Variants in WWP1 observed in about 807,000 individuals in gnomAD.
WWP1 encodes WW domain containing E3 ubiquitin protein ligase 1.
A neutral mutation model predicts 130.6 loss-of-function variants in WWP1; 49 were observed. That is an observed-to-expected ratio of 0.38 (90% CI 0.30 to 0.48). The LOEUF (loss-of-function observed/expected upper bound fraction) is 0.48, where lower values mean the gene tolerates loss of function less well. Among genes scored for constraint, WWP1 ranks in the 20% least tolerant of loss-of-function variants. The pLI, the probability that WWP1 is intolerant of heterozygous loss-of-function variation, is 0.99. For missense variants in WWP1, 809 were observed against 1,100.6 expected, an observed-to-expected ratio of 0.74 and a Z score of 3.75; for synonymous variants, 332 against 367.8, an observed-to-expected ratio of 0.90 and a Z score of 1.11.
At position 86,439,334 on chromosome 8, in the gene WWP1, C is replaced by T. The variant is rs556082670; in HGVS notation, c.1838+661C>T. Among the ~76,000 whole-genome samples, 9 of 88,498 alleles carry T rather than the reference C, an allele frequency of 1.0e-4. No homozygotes were observed. In the East Asian group the frequency reaches 2.0e-3, roughly 20 times the overall value. The allele number at this position is 88,498 out of a possible 152,430, so 58.1% of individuals were successfully genotyped here. On this transcript the variant is annotated intron_variant, in intron 17 of 24. Transcript: ENST00000517970. ...CTCCAGCCTGGGTGATGGAGCAAGACGCTGTGTCAAAAAAAAAAAAAAAGT... is the reference window on the plus strand; with the variant it reads ...CTCCAGCCTGGGTGATGGAGCAAGATGCTGTGTCAAAAAAAAAAAAAAAGT...
Position 86,468,293 on chromosome 8 carries a change from C to A in WWP1, c.*1400C>A. 2.5e-6 allele frequency: 1 copy of A among 403,012 alleles called. No homozygotes were observed. Among genetic ancestry groups the A allele is most frequent in the Non-Finnish European group, 4.8e-6 (1 of 209,490 alleles). 25.0% of individuals were successfully genotyped at this position (403,012 alleles called of 1,614,324 possible). A position where few individuals can be genotyped will look rare whatever the true frequency, so the allele number is the denominator to read the frequency against. On this transcript the variant is annotated 3_prime_UTR_variant, in exon 25 of 25. Coordinates refer to ENST00000517970, the MANE Select transcript of WWP1 (RefSeq NM_007013.4). ...ATTGTTTTGCCAAAATTTTATTTTT[C>A]TACATATTGAGAGTGTGTTCTCCAT...
chr8:86,459,023 C>CTTTTTTTTT (rs71275853), intron 22 of WWP1, among the ~76,000 whole-genome samples: 21 of 84,250 alleles, frequency 2.5e-4, no homozygotes, highest in Non-Finnish European at 2.9e-4. Flanking sequence ...TTTCTTTTTT[C>CTTTTTTTTT]TTTTTTTTTT....
Position 86,411,638 on chromosome 8 carries a change from T to G in WWP1, c.825T>G (p.Ser275Arg), listed in dbSNP as rs1808592347. The G allele has an allele frequency of 6.2e-7, 1 of 1,614,074 alleles. No homozygotes were observed. Among genetic ancestry groups the G allele is most frequent in the Non-Finnish European group, 8.5e-7 (1 of 1,180,026 alleles). ...ATGCCTTGTCTCCAAATTGCACTAG[T>G]ACTACTGTTGAAGATCCTCCAGTTC... ...EENALSPNCT[S>R]TTVEDPPVQE... is the part of the protein sequence containing the mutation. The change falls in exon 9 of 25, where the codon AGT becomes AGG. Residue 275 changes from serine (S) to arginine (R), a missense_variant. Around this residue, in one of 3 missense-constraint regions of WWP1, gnomAD observed 262 missense variants for 346.0 expected, o/e 0.76. Transcript: ENST00000517970.
chr8:86,397,480 A>G (rs1264728329), intron 5 of WWP1, among the ~76,000 whole-genome samples: 2 of 152,126 alleles, frequency 1.3e-5, no homozygotes, highest in Admixed American at 1.3e-4. Context: ...AATTTTAGCA[A>G]TTTTGAAATG....
chr8:86,431,767 C>A (rs775086989), intron 14 of WWP1, 24 bp downstream of exon 14: 5 of 1,612,266 alleles, frequency 3.1e-6, no homozygotes, highest in African/African-American at 1.3e-5. Context: ...TGAAGTTCTC[C>A]TTTAAATATT....
rs776277994 is a variant in WWP1, at chr8:86,411,578, G to T, written c.765G>T (p.Ala255=). The T allele has an allele frequency of 1.9e-6, 3 of 1,613,892 alleles. No homozygotes were observed. Among genetic ancestry groups the T allele is most frequent in the Non-Finnish European group, 2.5e-6 (3 of 1,179,848 alleles). Residue 255 remains alanine (A), a synonymous_variant, in exon 9 of 25, where the codon GCG becomes GCT. Coordinates refer to ENST00000517970, the MANE Select transcript of WWP1 (RefSeq NM_007013.4). ...ESSSFAPTDN[A]SVTGTPVVSE... is the part of the protein sequence containing the mutation. Reference sequence around the variant, plus strand: ...CCTCATTTGCACCAACTGATAATGCGTCTGTCACGGGTACTCCAGTAGTGT... The same window carrying T: ...CCTCATTTGCACCAACTGATAATGCTTCTGTCACGGGTACTCCAGTAGTGT...
At position 86,442,761 on chromosome 8, in the gene WWP1, G is replaced by C; in HGVS notation, c.1981G>C (p.Gly661Arg). Residue 661 changes from glycine to arginine, a missense_variant, in exon 18 of 25, where the codon GGT becomes CGT. Coordinates refer to ENST00000517970, the MANE Select transcript of WWP1 (RefSeq NM_007013.4). ...CCATCTTTCATACTTCTGTTTCATTGGTCGTTTTATTGCCATGGTGAGTTC... is the reference window on the plus strand; with the variant it reads ...CCATCTTTCATACTTCTGTTTCATTCGTCGTTTTATTGCCATGGTGAGTTC... ...PDHLSYFCFIGRFIAMALFHG... is the reference protein window; with the variant it reads ...PDHLSYFCFIRRFIAMALFHG... 2 of 1,605,112 alleles carry C rather than the reference G, an allele frequency of 1.2e-6. No individual in the cohort carries two copies. The highest frequency in any genetic ancestry group is 1.7e-6 in the Non-Finnish European group (2 of 1,176,956).
chr8:86,379,898 A>G (rs779594013), intron 3 of WWP1, among the ~76,000 whole-genome samples: 10 of 152,166 alleles, frequency 6.6e-5, no homozygotes, highest in Non-Finnish European at 1.2e-4. Flanking sequence ...ATGTGGAGAA[A>G]TCAGTGTATA....
At chr8:86,392,782 T>G (rs1807430147) in intron 5 of WWP1, among the ~76,000 whole-genome samples, 1 of 152,214 alleles carries the variant, frequency 6.6e-6, no homozygotes, top group Admixed American at 6.5e-5. Flanking sequence ...TCAGATATTT[T>G]GAAGTCAAAG....
At chr8:86,392,705 TTTAG>T (rs1563491579) in intron 5 of WWP1, among the ~76,000 whole-genome samples, 1 of 152,238 alleles carries the variant, frequency 6.6e-6, no homozygotes, top group African/African-American at 2.4e-5. Flanking sequence ...AATTTGCTTA[TTTAG>T]TTATTTGTTT....
rs1333567634 is a variant in WWP1 at position 86,381,554 on chromosome 8, A to G, written c.259A>G (p.Thr87Ala). The change falls in exon 5 of 25, where the codon ACT (threonine) becomes GCT (alanine). Residue 87 changes from threonine (T) to alanine (A), a missense_variant. Transcript: ENST00000517970. ...GGAATTTCAAGTTTGGAGCCATCGC[A>G]CTTTAAAAGCAGATGCTTTATTAGG... ...TLEFQVWSHR[T>A]LKADALLGKA... 2 of 1,611,264 alleles carry G rather than the reference A, an allele frequency of 1.2e-6. No individual in the cohort carries two copies. Among genetic ancestry groups the G allele is most frequent in the South Asian group, 1.1e-5 (1 of 90,352 alleles).
intron 5 of WWP1, among the ~76,000 whole-genome samples, chr8:86,383,095 T>G (rs1825072781): frequency 1.3e-5 from 2 of 152,206 alleles, no homozygotes; most frequent in African/African-American, 4.8e-5. Context: ...GTAGTTAGTA[T>G]AAACCATAAT....
chr8:86,360,878 T>C (rs1823554294), intron 1 of WWP1, among the ~76,000 whole-genome samples: 1 of 152,150 alleles, frequency 6.6e-6, no homozygotes, highest in African/African-American at 2.4e-5. Flanking sequence ...AGAGATCATA[T>C]ATAAGTTGAG....
Position 86,374,112 on chromosome 8 carries a change from A to G in WWP1, c.62A>G (p.Gln21Arg), listed in dbSNP as rs763525604. 6 of 1,606,254 alleles carry G rather than the reference A, an allele frequency of 3.7e-6. No individual in the cohort carries two copies. Among genetic ancestry groups the G allele is most frequent in the Non-Finnish European group, 3.4e-6 (4 of 1,176,990 alleles). ...AACCACAGTGGAAGGTTGCAGTTAC[A>G]GGTAACTGGTAAGTTATTTTTATAT... ...SNNHSGRLQL[Q>R]VTVSSAKLKR... The change falls in exon 3 of 25, where the codon CAG becomes CGG. Residue 21 changes from glutamine (Q) to arginine (R), a missense_variant. This residue lies in a region of WWP1 where 262 missense variants were observed against 346.0 expected (regional missense o/e 0.76). Transcript: ENST00000517970.
In WWP1 at chr8:86,461,429, G is replaced by C. The variant is rs1433743397; in HGVS notation, c.2596+109G>C. On this transcript the variant is annotated intron_variant, in intron 23 of 24. Transcript: ENST00000517970. ...CTAAAGATTACTCTTCTGTGCTGTA[G>C]GTAGGGCTTCATTTAGAAGAAAGAA... The C allele has an allele frequency of 6.3e-6, 6 of 948,128 alleles. No individual in the cohort carries two copies. The East Asian group carries it at 7.4e-5, about 12-fold the overall frequency. 58.7% of individuals were successfully genotyped at this position (948,128 alleles called of 1,614,324 possible). A position where few individuals can be genotyped will look rare whatever the true frequency, so the allele number is the denominator to read the frequency against.
In WWP1 at chr8:86,442,613, T is replaced by G. The variant is rs1284606633; in HGVS notation, c.1839-6T>G. 1.3e-6 allele frequency: 2 copies of G among 1,587,292 alleles called. No homozygotes were observed. The highest frequency in any genetic ancestry group is 1.7e-6 in the Non-Finnish European group (2 of 1,169,548). ...TAAAAAATAACCTTGACTTATTTTCTTATAGAGAATGGTTTTTCTTGCTTT... is the reference window on the plus strand; with the variant it reads ...TAAAAAATAACCTTGACTTATTTTCGTATAGAGAATGGTTTTTCTTGCTTT... On this transcript the variant is annotated splice_polypyrimidine_tract_variant and splice_region_variant and intron_variant, in intron 17 of 24. Coordinates refer to ENST00000517970, the MANE Select transcript of WWP1 (RefSeq NM_007013.4).
At chr8:86,376,196 C>A (rs867971544) in intron 3 of WWP1, among the ~76,000 whole-genome samples, 15 of 152,178 alleles carry the variant, frequency 9.9e-5, no homozygotes, top group Admixed American at 9.8e-4. Context: ...TTGTAACTTG[C>A]GTAGGACCAA....
intron 8 of WWP1, among the ~76,000 whole-genome samples, chr8:86,405,940 C>G (rs749586257): frequency 8.5e-5 from 13 of 152,274 alleles, no homozygotes; most frequent in Middle Eastern, 3.4e-3. Flanking sequence ...TTAAGACAAA[C>G]GATATATTTC....
At chr8:86,429,933 T>C (rs1483006212) in intron 11 of WWP1, among the ~76,000 whole-genome samples, 1 of 152,204 alleles carries the variant, frequency 6.6e-6, no homozygotes, top group Non-Finnish European at 1.5e-5. Context: ...GAGCGGTGGC[T>C]TACACCTGTA....
Sources: gnomAD v4.1 joint callset for allele counts (sites outside exome capture counted in the v4.1 genomes callset) on GRCh38, gnomAD v4.1.1 for gene constraint, gnomAD v4.1.1 regional missense constraint, MANE v1.5 for transcripts, NCBI Gene and HGNC (gene_info 2026-07-23, HGNC 2026-07-21) for gene names.